The following DACH1 variants were observed in gnomAD, a reference collection of about 807,000 sequenced individuals.
The protein encoded by DACH1 is dachshund family transcription factor 1.
In DACH1, 12 loss-of-function variants were observed where a neutral mutation model predicts 54.2. That is an observed-to-expected ratio of 0.22 (90% CI 0.14 to 0.36). The LOEUF is 0.36. Among genes scored for constraint, DACH1 ranks in the 10% least tolerant of loss-of-function variants. The pLI, the probability that DACH1 is intolerant of heterozygous loss-of-function variation, is 1.00. For missense variants in DACH1, 805 were observed against 929.8 expected, an observed-to-expected ratio of 0.87 and a Z score of 1.75; for synonymous variants, 386 against 366.2, an observed-to-expected ratio of 1.05 and a Z score of -0.62.
rs543184556 is a variant in DACH1, at chr13:71,539,602, G to A, written c.1570+17422C>T. On this transcript the variant is annotated intron_variant, in intron 6 of 10. Transcript: ENST00000613252. ...AGGAATCAATGTGCACAAATTCCCC[G>A]AGGATTTCTGCTTTCCTAAATAAAG... Among the ~76,000 whole-genome samples, 11 of 152,132 alleles carry A rather than the reference G, an allele frequency of 7.2e-5. No homozygotes were observed. The South Asian group carries it at 1.7e-3, about 23-fold the overall frequency.
chr13:71,491,746 T>C lies in DACH1; in HGVS notation c.1571-2598A>G, dbSNP rs568598520. ...TATCAGACATAAAGTTGTCATCTTG[T>C]GGCAATTAATATCATAGAAGATTTC... On this transcript the variant is annotated intron_variant, in intron 6 of 10. Transcript: ENST00000613252. Among the ~76,000 whole-genome samples, 5 of 152,304 alleles carry C rather than the reference T, an allele frequency of 3.3e-5. No homozygotes were observed. The South Asian group carries it at 8.3e-4, about 25-fold the overall frequency.
intron 3 of DACH1, among the ~76,000 whole-genome samples, chr13:71,576,674 T>G (rs1242717788): frequency 6.6e-6 from 1 of 152,138 alleles, no homozygotes; most frequent in Non-Finnish European, 1.5e-5. Context: ...CTCTAATTAC[T>G]GCCTTCAAAA....
intron 1 of DACH1, among the ~76,000 whole-genome samples, chr13:71,740,135 G>A (rs1288274159): frequency 6.6e-6 from 1 of 152,140 alleles, no homozygotes. Flanking sequence ...CGCAAAAGTA[G>A]TTCAACAACT....
chr13:71,594,323 A>G (rs750546011), intron 3 of DACH1, among the ~76,000 whole-genome samples: 1 of 152,060 alleles, frequency 6.6e-6, no homozygotes, highest in Non-Finnish European at 1.5e-5. Context: ...TAATTTACAA[A>G]ATAATCACTC....
At chr13:71,759,951 G>C (rs370565562) in intron 1 of DACH1, among the ~76,000 whole-genome samples, 101 of 152,250 alleles carry the variant, frequency 6.6e-4, no homozygotes, top group African/African-American at 2.3e-3. Flanking sequence ...TTCTTAAAGC[G>C]ACTTGTTATC....
chr13:71,623,384 T>C (rs1334058293), intron 3 of DACH1, among the ~76,000 whole-genome samples: 2 of 151,712 alleles, frequency 1.3e-5, no homozygotes, highest in Non-Finnish European at 3.0e-5. Flanking sequence ...TTCATAATTT[T>C]TCCACAATAA....
At chr13:71,508,054 T>C (rs963294940) in intron 6 of DACH1, among the ~76,000 whole-genome samples, 2 of 152,158 alleles carry the variant, frequency 1.3e-5, no homozygotes, top group Non-Finnish European at 2.9e-5. Context: ...TGCACTCATG[T>C]TTTCTAAGAA....
rs750633485 is a variant in DACH1, at chr13:71,630,672, G to C, written c.1010C>G (p.Ala337Gly). ...AAAAAAATNA[A>G]IAEAMKVKKI... ...TTTCACCTTCATTGCTTCAGCAATA[G>C]CTGCATTGGTAGCAGCAGCAGCTGC... Residue 337 changes from alanine (A) to glycine (G), a missense_variant, in exon 3 of 11, where the codon GCT becomes GGT. Physicochemically the swap from Ala to Gly is moderately conservative, Grantham distance 60 (BLOSUM62 0). This residue lies in a region of DACH1 where 472 missense variants were observed against 545.3 expected (regional missense o/e 0.87). Transcript: ENST00000613252. 1 of 1,609,312 alleles carries C rather than the reference G, an allele frequency of 6.2e-7. No individual in the cohort carries two copies. The highest frequency in any genetic ancestry group is 2.2e-5 in the East Asian group (1 of 44,648).
At chr13:71,722,342 C>G (rs1236275270) in intron 1 of DACH1, among the ~76,000 whole-genome samples, 2 of 152,094 alleles carry the variant, frequency 1.3e-5, no homozygotes, top group Admixed American at 1.3e-4. Flanking sequence ...AAATAATTCA[C>G]AGAACAACAT....
chr13:71,629,474 T>A (rs950075758), intron 3 of DACH1, among the ~76,000 whole-genome samples: 1 of 152,184 alleles, frequency 6.6e-6, no homozygotes, highest in Non-Finnish European at 1.5e-5. Flanking sequence ...ACTGAAACAG[T>A]ATTTTGTGTT....
chr13:71,713,080 TTTC>T (rs533011218), intron 1 of DACH1, among the ~76,000 whole-genome samples: 645 of 149,506 alleles, frequency 4.3e-3, no homozygotes, highest in Non-Finnish European at 7.0e-3. Flanking sequence ...GATTTCTTCT[TTTC>T]TTCTTCTTTT....
intron 1 of DACH1, among the ~76,000 whole-genome samples, chr13:71,709,482 A>G (rs1048948464): frequency 5.9e-5 from 9 of 151,570 alleles, no homozygotes; most frequent in Non-Finnish European, 1.0e-4. Flanking sequence ...CAGAGTATAC[A>G]GGCCATGTAT....
In DACH1 at chr13:71,572,876, C is replaced by A; in HGVS notation, c.1263G>T (p.Gln421His). 1 of 1,613,816 alleles carries A rather than the reference C, an allele frequency of 6.2e-7. No individual in the cohort carries two copies. The highest frequency in any genetic ancestry group is 8.5e-7 in the Non-Finnish European group (1 of 1,179,848). The change falls in exon 4 of 11, where the codon CAG becomes CAT. Residue 421 changes from glutamine to histidine, a missense_variant. Physicochemically the swap from Gln to His is conservative, Grantham distance 24 (BLOSUM62 0). This residue lies in a region of DACH1 where 472 missense variants were observed against 545.3 expected (regional missense o/e 0.87). Transcript: ENST00000613252. ...IANMAAAAQV[Q>H]SPPSRVETSV... is the part of the protein sequence containing the mutation. ...ATGTCTCAACTCTGGATGGGGGACT[C>A]TGAACTTGTGCTGCTGCTGCCATAT...
At chr13:71,803,921 G>C (rs538701349) in intron 1 of DACH1, among the ~76,000 whole-genome samples, 28 of 152,244 alleles carry the variant, frequency 1.8e-4, no homozygotes, top group Middle Eastern at 3.4e-3. Context: ...GCCTAGGACT[G>C]GGTATTTGAA....
intron 1 of DACH1, among the ~76,000 whole-genome samples, chr13:71,737,386 G>A (rs1269175349): frequency 6.6e-6 from 1 of 152,028 alleles, no homozygotes; most frequent in Non-Finnish European, 1.5e-5. Flanking sequence ...AAGGGAAGGA[G>A]GGATTTGGCA....
At chr13:71,819,319 C>T (rs1888095291) in intron 1 of DACH1, among the ~76,000 whole-genome samples, 1 of 152,176 alleles carries the variant, frequency 6.6e-6, no homozygotes, top group Admixed American at 6.5e-5. Flanking sequence ...CCAGAAGCTA[C>T]AGGGTAAGGT....
chr13:71,577,972 A>C (rs1389657885), intron 3 of DACH1, among the ~76,000 whole-genome samples: 1 of 152,198 alleles, frequency 6.6e-6, no homozygotes, highest in Non-Finnish European at 1.5e-5. Context: ...TCCCAAAGAG[A>C]AGTCCACAGT....
intron 1 of DACH1, among the ~76,000 whole-genome samples, chr13:71,859,289 G>A (rs1269741652): frequency 1.3e-5 from 2 of 151,638 alleles, no homozygotes; most frequent in Admixed American, 1.3e-4. Context: ...TTTTAAATGG[G>A]TGAATTCGAA....
intron 6 of DACH1, among the ~76,000 whole-genome samples, chr13:71,555,235 G>A (rs1405574322): frequency 6.6e-6 from 1 of 152,088 alleles, no homozygotes; most frequent in East Asian, 1.9e-4. Flanking sequence ...AACCCTAGTG[G>A]AGAATGATTG....
Sources: allele counts gnomAD v4.1 joint callset (sites outside exome capture counted in the v4.1 genomes callset), GRCh38; gene constraint gnomAD v4.1.1; regional missense constraint gnomAD v4.1.1; transcripts MANE v1.5; gene names NCBI Gene and HGNC (gene_info 2026-07-23, HGNC 2026-07-21).